FHOD3: variants seen among roughly 807,000 people sequenced by gnomAD.
FHOD3 encodes the protein FH1/FH2 domain-containing protein 3.
A neutral mutation model predicts 173.0 loss-of-function variants in FHOD3; 90 were observed. The observed-to-expected ratio is 0.52, with a 90% CI of 0.44 to 0.62. The LOEUF is 0.62. Ranked by LOEUF, FHOD3 falls within the 20% of genes least tolerant of loss-of-function variation. The pLI is 0.00. For synonymous variants in FHOD3, 828 were observed against 823.0 expected (o/e 1.01, Z -0.10); for missense variants, 1,945 against 2,034.7 (o/e 0.96, Z 0.85).
chr18:36,731,119 C>T (rs1230945113), intron 20 of FHOD3, among the ~76,000 whole-genome samples: 1 of 152,126 alleles, frequency 6.6e-6, no homozygotes, highest in African/African-American at 2.4e-5. Flanking sequence ...CATTTTAAAC[C>T]ACGTATGTTT....
intron 28 of FHOD3, among the ~76,000 whole-genome samples, chr18:36,775,393 C>T (rs1438839444): frequency 6.6e-6 from 1 of 152,212 alleles, no homozygotes; most frequent in Non-Finnish European, 1.5e-5. Flanking sequence ...TGCCAAGCAT[C>T]GGCAGGGCAC....
At chr18:36,424,969 A>G (rs557142404) in intron 3 of FHOD3, among the ~76,000 whole-genome samples, 28 of 152,328 alleles carry the variant, frequency 1.8e-4, no homozygotes, top group African/African-American at 6.5e-4. Flanking sequence ...ATCTGACTTC[A>G]TAATGGCCCC....
chr18:36,408,852 T>C (rs2049201248), intron 3 of FHOD3, among the ~76,000 whole-genome samples: 1 of 152,132 alleles, frequency 6.6e-6, no homozygotes, highest in Non-Finnish European at 1.5e-5. Flanking sequence ...GACTCTACCA[T>C]GAATGGGTTG....
At chr18:36,576,238 G>A (rs1359807155) in intron 5 of FHOD3, among the ~76,000 whole-genome samples, 1 of 152,132 alleles carries the variant, frequency 6.6e-6, no homozygotes, top group South Asian at 2.1e-4. Flanking sequence ...TGCATCTTCC[G>A]GGAGCCTGGA....
At chr18:36,324,665 A>G (rs538263976) in intron 1 of FHOD3, among the ~76,000 whole-genome samples, 301 of 152,382 alleles carry the variant, frequency 2.0e-3, no homozygotes, top group African/African-American at 6.8e-3. Flanking sequence ...CTATAGTGAT[A>G]CTACTGCATA....
At chr18:36,696,974 A>AT (rs2039321282) in intron 17 of FHOD3, among the ~76,000 whole-genome samples, 1 of 152,130 alleles carries the variant, frequency 6.6e-6, no homozygotes, top group African/African-American at 2.4e-5. Flanking sequence ...ATTTCCTATT[A>AT]TTTTTAGAAA....
At chr18:36,578,422 G>T (rs2058734458) in intron 6 of FHOD3, among the ~76,000 whole-genome samples, 1 of 152,128 alleles carries the variant, frequency 6.6e-6, no homozygotes, top group Non-Finnish European at 1.5e-5. Flanking sequence ...CCTCCCACTG[G>T]GTCCCTCCCA....
At chr18:36,673,572 C>T (rs570085390) in intron 14 of FHOD3, among the ~76,000 whole-genome samples, 4 of 152,102 alleles carry the variant, frequency 2.6e-5, no homozygotes, top group African/African-American at 4.8e-5. Flanking sequence ...TGAACACTCC[C>T]AGAGAGCAGG....
intron 19 of FHOD3, among the ~76,000 whole-genome samples, chr18:36,720,236 C>CTT (rs35295640): frequency 0.41 from 48,285 of 118,962 alleles, 10,772 homozygotes; most frequent in South Asian, 0.52. Context: ...CGTTCCAATT[C>CTT]TTTTTTTTTT....
intron 2 of FHOD3, among the ~76,000 whole-genome samples, chr18:36,367,330 C>T (rs1424981145): frequency 6.6e-6 from 1 of 152,180 alleles, no homozygotes; most frequent in Non-Finnish European, 1.5e-5. Context: ...TGGTTGTGAG[C>T]AGCCCATTGG....
chr18:36,631,211 C>T (rs2034487811), intron 10 of FHOD3, among the ~76,000 whole-genome samples: 1 of 152,166 alleles, frequency 6.6e-6, no homozygotes, highest in Admixed American at 6.5e-5. Flanking sequence ...GACTACCGCT[C>T]CTAAGGAGTG....
intron 5 of FHOD3, among the ~76,000 whole-genome samples, chr18:36,539,431 G>C (rs1420254436): frequency 6.6e-6 from 1 of 152,228 alleles, no homozygotes; most frequent in African/African-American, 2.4e-5. Flanking sequence ...CCATTGCGTA[G>C]AAAGTGTCTA....
chr18:36,678,547 AAGAAG>A (rs1462010156), intron 14 of FHOD3, among the ~76,000 whole-genome samples: 36 of 136,788 alleles, frequency 2.6e-4, no homozygotes, highest in African/African-American at 7.8e-4. Flanking sequence ...AAAAAAAAAA[AAGAAG>A]AAAGAAAGAA....
intron 3 of FHOD3, among the ~76,000 whole-genome samples, chr18:36,455,008 C>T (rs143074321): frequency 6.6e-4 from 101 of 152,242 alleles, no homozygotes; most frequent in African/African-American, 2.2e-3. Context: ...CTCTTCAAAC[C>T]CGCTAATATG....
chr18:36,671,554 G>C (rs2037536804), intron 14 of FHOD3, among the ~76,000 whole-genome samples: 1 of 152,200 alleles, frequency 6.6e-6, no homozygotes, highest in Non-Finnish European at 1.5e-5. Flanking sequence ...GTAGAAAGTT[G>C]GATGAGTTCA....
chr18:36,451,165 A>G (rs551703900), intron 3 of FHOD3, among the ~76,000 whole-genome samples: 168 of 152,362 alleles, frequency 1.1e-3, no homozygotes, highest in Middle Eastern at 3.4e-3. Context: ...AAATCAGTTG[A>G]AAAACTAAAT....
At chr18:36,620,468 T>C (rs1374582850) in intron 9 of FHOD3, among the ~76,000 whole-genome samples, 2 of 152,158 alleles carry the variant, frequency 1.3e-5, no homozygotes, top group African/African-American at 2.4e-5. Flanking sequence ...GATGAGAGGG[T>C]GCTGCCTTGT....
intron 14 of FHOD3, among the ~76,000 whole-genome samples, chr18:36,676,867 G>T (rs2037896049): frequency 6.6e-6 from 1 of 152,132 alleles, no homozygotes; most frequent in African/African-American, 2.4e-5. Context: ...TTTGCTTACT[G>T]ATTTGAAGGG....
intron 1 of FHOD3, among the ~76,000 whole-genome samples, chr18:36,317,650 C>T (rs1377451795): frequency 6.6e-6 from 1 of 152,144 alleles, no homozygotes; most frequent in African/African-American, 2.4e-5. Flanking sequence ...GGATAGATTG[C>T]AAAAATTTTC....
Sources: gnomAD v4.1 joint callset for allele counts (sites outside exome capture counted in the v4.1 genomes callset) on GRCh38, gnomAD v4.1.1 for gene constraint, MANE v1.5 for transcripts, NCBI Gene and HGNC (gene_info 2026-07-23, HGNC 2026-07-21) for gene names.